Variants in NAV1 observed in about 807,000 individuals in gnomAD.
The protein encoded by NAV1 is neuron navigator 1, also known as pore membrane and/or filament interacting like protein 3.
Under a neutral mutation model 175.2 loss-of-function variants are expected in NAV1, and 18 were observed. That is an observed-to-expected ratio of 0.10 (90% CI 0.07 to 0.15). NAV1 has a LOEUF of 0.15. Ranked by LOEUF, NAV1 falls within the 10% of genes least tolerant of loss-of-function variation. The pLI is 1.00. For synonymous variants in NAV1, 897 were observed against 978.7 expected (o/e 0.92, Z 1.56); for missense variants, 1,731 against 2,436.6 (o/e 0.71, Z 6.10).
intron 2 of NAV1, among the ~76,000 whole-genome samples, chr1:201,713,278 GC>G (rs989801976): frequency 1.3e-5 from 2 of 152,212 alleles, no homozygotes; most frequent in African/African-American, 4.8e-5. Context: ...TTTACTAAAT[GC>G]TCTCTTCCTG....
upstream of NAV1, among the ~76,000 whole-genome samples, chr1:201,621,656 T>C (rs959160225): frequency 6.6e-6 from 1 of 152,214 alleles, no homozygotes; most frequent in African/African-American, 2.4e-5. Context: ...TTATAGTTTA[T>C]TGATGTGTCA....
chr1:201,804,350 T>C, intron 16 of NAV1, 139 bp from the exon 21 acceptor site: 2 of 810,276 alleles, frequency 2.5e-6, no homozygotes, highest in South Asian at 3.7e-5. Context: ...CCTGCTCCTC[T>C]GTCCCCTGTT....
rs536097921 is a variant in NAV1 at position 201,734,059 on chromosome 1, G to A, written c.1226+15304G>A. Among the ~76,000 whole-genome samples the A allele has an allele frequency of 8.5e-5, 13 of 152,202 alleles. No homozygotes were observed. In the East Asian group the frequency reaches 2.1e-3, roughly 25 times the overall value. On this transcript the variant is annotated intron_variant, in intron 3 of 29. Coordinates refer to ENST00000367296, the Ensembl canonical transcript of NAV1. Reference sequence around the variant, plus strand: ...TGCAGTTAGCTAAGTGAGAATGGATGGTGGCTCACACCAGGGATAGAAGTG... The same window carrying A: ...TGCAGTTAGCTAAGTGAGAATGGATAGTGGCTCACACCAGGGATAGAAGTG...
In NAV1 at chr1:201,812,395, T is replaced by TGGCA; in HGVS notation, c.5025-67_5025-64dup. 1 of 1,479,550 alleles carries TGGCA rather than the reference T, an allele frequency of 6.8e-7. No individual in the cohort carries two copies. The highest frequency in any genetic ancestry group is 1.2e-5 in the South Asian group (1 of 84,584). 91.7% of individuals were successfully genotyped at this position (1,479,550 alleles called of 1,614,324 possible). On this transcript the variant is annotated intron_variant, in intron 26 of 29. Coordinates refer to ENST00000367296, the Ensembl canonical transcript of NAV1. The surrounding 1 kb of genome is among the most constrained non-coding windows in gnomAD (Gnocchi z 4.6). ...GAAGCAGGCAGAAGGAGGGACAGAC[T>TGGCA]GGCAGGGGCTGAACCCTGACAATGT...
chr1:201,693,394 G>A (rs1032979351), intron 1 of NAV1, among the ~76,000 whole-genome samples: 1 of 152,194 alleles, frequency 6.6e-6, no homozygotes, highest in Admixed American at 6.5e-5. Flanking sequence ...CTGAATGGAG[G>A]CTGCTCACTC....
At chr1:201,818,081 T>A (rs1411103716) in intron 29 of NAV1, among the ~76,000 whole-genome samples, 1 of 151,584 alleles carries the variant, frequency 6.6e-6, no homozygotes, top group Non-Finnish European at 1.5e-5. Context: ...AACAAAAAAA[T>A]TAGCTGGGTG....
rs555640060 is a variant in NAV1, at chr1:201,652,998, TAA to T, written c.757+3575_757+3576del. ...ATCTAATATAAAGCCTATTTCATAA[TAA>T]AGTTGCATATTTCATGGAATTTATT... On this transcript the variant is annotated intron_variant, in intron 1 of 29. Transcript: ENST00000367296. 2.6e-5 allele frequency among the ~76,000 whole-genome samples: 4 copies of T among 152,334 alleles called. No homozygotes were observed. The South Asian group carries it at 8.3e-4, about 32-fold the overall frequency.
At chr1:201,562,958 A>C (rs1666246616) in intron 1 of NAV1, among the ~76,000 whole-genome samples, 1 of 152,240 alleles carries the variant, frequency 6.6e-6, no homozygotes, top group Non-Finnish European at 1.5e-5. Flanking sequence ...ATAACAGCCT[A>C]GGACGGTGGG....
At chr1:201,636,518 G>C (rs1423343998) in intron 2 of NAV1, among the ~76,000 whole-genome samples, 1 of 152,208 alleles carries the variant, frequency 6.6e-6, no homozygotes, top group African/African-American at 2.4e-5. Context: ...TTGCCTTCCT[G>C]GGTGGTGGGA....
intron 3 of NAV1, among the ~76,000 whole-genome samples, chr1:201,741,586 G>A (rs1251553088): frequency 6.6e-6 from 1 of 152,002 alleles, no homozygotes; most frequent in African/African-American, 2.4e-5. Context: ...ATCCACATAG[G>A]GTGTGCCCAA....
At chr1:201,666,838 G>C (rs533018571) in intron 1 of NAV1, among the ~76,000 whole-genome samples, 3 of 152,262 alleles carry the variant, frequency 2.0e-5, no homozygotes, top group African/African-American at 7.2e-5. Flanking sequence ...AGGGAAGTAT[G>C]GGGCTCTGTG....
rs1236841121 is a variant in NAV1, at chr1:201,781,445, A to G, written c.1663+136A>G. On this transcript the variant is annotated intron_variant, in intron 5 of 29. Transcript: ENST00000367296. The stretch of plus-strand genomic sequence containing the variant: ...TAACAGACATTATCTTATCTGGTCT[A>G]AGGACAGTCCCGTGAGTTAGGAAAG... 4 of 880,230 alleles carry G rather than the reference A, an allele frequency of 4.5e-6. No individual in the cohort carries two copies. The Admixed American group carries it at 9.4e-5, about 21-fold the overall frequency. 54.5% of individuals were successfully genotyped at this position (880,230 alleles called of 1,614,324 possible).
intron 1 of NAV1, among the ~76,000 whole-genome samples, chr1:201,650,107 G>A (rs1006823195): frequency 1.3e-5 from 2 of 152,258 alleles, no homozygotes; most frequent in Admixed American, 1.3e-4. Context: ...GAAAGCTCTG[G>A]GCGTTAGCGC....
At chr1:201,614,943 G>T (rs1403080022) in intron 2 of NAV1, among the ~76,000 whole-genome samples, 1 of 152,236 alleles carries the variant, frequency 6.6e-6, no homozygotes, top group Non-Finnish European at 1.5e-5. Flanking sequence ...AACAGTGTCT[G>T]ACAGGCAGTC....
intron 1 of NAV1, among the ~76,000 whole-genome samples, chr1:201,563,493 A>G (rs1057255507): frequency 6.6e-6 from 1 of 151,974 alleles, no homozygotes; most frequent in Admixed American, 6.6e-5. Flanking sequence ...CCACAGGTAC[A>G]GCAAGGAAAG....
intron 1 of NAV1, among the ~76,000 whole-genome samples, chr1:201,544,461 T>C (rs1040042231): frequency 1.3e-5 from 2 of 152,356 alleles, no homozygotes; most frequent in Admixed American, 6.5e-5. Flanking sequence ...TTAAGTGTCA[T>C]GTAGCTTTTT....
At chr1:201,811,809 C>A in intron 25 of NAV1, 52 bp downstream of exon 29, 1 of 1,608,118 alleles carries the variant, frequency 6.2e-7, no homozygotes, top group African/African-American at 1.3e-5. Context: ...GGAGGGAGAA[C>A]CCAGTCCAGG....
chr1:201,755,265 G>GCC (rs140949679), intron 3 of NAV1, among the ~76,000 whole-genome samples: 3 of 151,994 alleles, frequency 2.0e-5, no homozygotes, highest in African/African-American at 7.2e-5. Flanking sequence ...ACAAATTGAG[G>GCC]CCCCCCCTCT....
rs1199781938 is a variant in NAV1 at position 201,807,452 on chromosome 1, G to C, written c.3649-501G>C. ...AGAGGCATCATGAGGTGGCCTCTGA[G>C]GCCCACAGTGAGCCAGGTTCTAGAC... On this transcript the variant is annotated intron_variant, in intron 17 of 29. Transcript: ENST00000367296. This position sits in a 1 kb window ranked among gnomAD's most constrained non-coding sequence, Gnocchi z 5.4. Among the ~76,000 whole-genome samples, 2 of 152,174 alleles carry C rather than the reference G, an allele frequency of 1.3e-5. No individual in the cohort carries two copies. Among genetic ancestry groups the C allele is most frequent in the Non-Finnish European group, 2.9e-5 (2 of 68,030 alleles).
Sources: allele counts gnomAD v4.1 joint callset (sites outside exome capture counted in the v4.1 genomes callset), GRCh38; gene constraint gnomAD v4.1.1; non-coding constraint Gnocchi (gnomAD v3.1); transcripts MANE v1.5; gene names NCBI Gene and HGNC (gene_info 2026-07-23, HGNC 2026-07-21).